SOX6: variants seen among roughly 807,000 people sequenced by gnomAD.
The protein encoded by SOX6 is transcription factor SOX-6.
In SOX6, 11 loss-of-function variants were observed where a neutral mutation model predicts 97.8. That is an observed-to-expected ratio of 0.11 (90% CI 0.07 to 0.19). The LOEUF (loss-of-function observed/expected upper bound fraction) is 0.19. SOX6 is among the 10% of genes least tolerant of loss of function. SOX6 has a pLI of 1.00. For synonymous variants in SOX6, 360 were observed against 371.4 expected, an observed-to-expected ratio of 0.97 and a Z score of 0.35; for missense variants, 810 against 1,039.5, an observed-to-expected ratio of 0.78 and a Z score of 3.04.
upstream of SOX6, among the ~76,000 whole-genome samples, chr11:16,478,500 A>G (rs1860291932): frequency 6.6e-6 from 1 of 152,256 alleles, no homozygotes; most frequent in Admixed American, 6.5e-5. Flanking sequence ...TACAAAGTCA[A>G]TAAATCTTAT....
intron 3 of SOX6, among the ~76,000 whole-genome samples, chr11:16,680,259 C>A (rs1847916326): frequency 6.6e-6 from 1 of 152,214 alleles, no homozygotes; most frequent in Admixed American, 6.5e-5. Context: ...ACAGAGATTT[C>A]TCTGCAGAAA....
intron 9 of SOX6, among the ~76,000 whole-genome samples, chr11:16,057,849 C>A (rs912881394): frequency 2.6e-5 from 4 of 152,076 alleles, no homozygotes; most frequent in African/African-American, 7.2e-5. Flanking sequence ...ATTAAGGAAG[C>A]CTGACACTAT....
rs139830223 is a variant in SOX6, at chr11:16,455,758, TC to T, written c.-5+20556del. On this transcript the variant is annotated intron_variant, in intron 1 of 15. Transcript: ENST00000396356. ...TTTAATACAAGAAGATACATTTATTTCCCCCATGAAAGTAATTTTTATAAAA... is the reference window on the plus strand; with the variant it reads ...TTTAATACAAGAAGATACATTTATTTCCCCATGAAAGTAATTTTTATAAAA... 3.7e-3 allele frequency among the ~76,000 whole-genome samples: 566 copies of T among 152,146 alleles called. 2 individuals carry two copies. The highest frequency in any genetic ancestry group is 0.012 in the African/African-American group (494 of 41,536).
At chr11:16,642,241 C>G (rs925350608) in intron 3 of SOX6, among the ~76,000 whole-genome samples, 1 of 152,188 alleles carries the variant, frequency 6.6e-6, no homozygotes, top group Admixed American at 6.5e-5. Flanking sequence ...GGCCCCCACT[C>G]TCTTCTGGCT....
intron 4 of SOX6, among the ~76,000 whole-genome samples, chr11:16,512,914 T>C (rs1257551822): frequency 1.3e-5 from 2 of 152,222 alleles, no homozygotes; most frequent in African/African-American, 4.8e-5. Context: ...GGAATGACTC[T>C]GGGAGTACTG....
At chr11:16,499,922 T>C (rs1860673247) in intron 4 of SOX6, among the ~76,000 whole-genome samples, 2 of 152,176 alleles carry the variant, frequency 1.3e-5, no homozygotes, top group African/African-American at 4.8e-5. Flanking sequence ...ACTATTCCAA[T>C]CAATAGAAAA....
At chr11:16,500,277 C>A (rs1196833600) in intron 4 of SOX6, among the ~76,000 whole-genome samples, 1 of 152,172 alleles carries the variant, frequency 6.6e-6, no homozygotes, top group Non-Finnish European at 1.5e-5. Flanking sequence ...ATGCTAAAAA[C>A]TCTCAATAAA....
intron 2 of SOX6, among the ~76,000 whole-genome samples, chr11:16,337,287 C>T (rs112678089): frequency 6.6e-6 from 1 of 152,042 alleles, no homozygotes; most frequent in African/African-American, 2.4e-5. Context: ...ACATAATTTG[C>T]ACCAAAAAAT....
intron 6 of SOX6, among the ~76,000 whole-genome samples, chr11:16,114,747 C>G (rs1849307601): frequency 6.6e-6 from 1 of 152,096 alleles, no homozygotes; most frequent in Admixed American, 6.6e-5. Context: ...GGAATACATG[C>G]TCATTTGAAC....
At chr11:16,500,764 A>G (rs1221468253) in intron 4 of SOX6, among the ~76,000 whole-genome samples, 1 of 152,218 alleles carries the variant, frequency 6.6e-6, no homozygotes, top group African/African-American at 2.4e-5. Flanking sequence ...GATGTGAAGG[A>G]CCTCATCAAG....
intron 4 of SOX6, among the ~76,000 whole-genome samples, chr11:16,228,952 T>A (rs1565033689): frequency 6.6e-6 from 1 of 152,166 alleles, no homozygotes. Flanking sequence ...ACTGGTTTTT[T>A]AAGTAAAATC....
chr11:16,514,215 CAAA>C (rs35019872), intron 4 of SOX6, among the ~76,000 whole-genome samples: 10 of 102,656 alleles, frequency 9.7e-5, no homozygotes, highest in Admixed American at 2.2e-4. Flanking sequence ...GTCCCTGGCT[CAAA>C]AAAAAAAAAA....
At chr11:16,333,929 C>T (rs1489222200) in intron 2 of SOX6, among the ~76,000 whole-genome samples, 1 of 152,058 alleles carries the variant, frequency 6.6e-6, no homozygotes, top group Non-Finnish European at 1.5e-5. Flanking sequence ...TAAATGAAAA[C>T]AAAATATCCA....
At chr11:16,580,438 TA>T (rs11439923) in intron 4 of SOX6, among the ~76,000 whole-genome samples, 3 of 150,752 alleles carry the variant, frequency 2.0e-5, no homozygotes, top group South Asian at 2.1e-4. Flanking sequence ...TTCAGAAAAT[TA>T]AAAAAAAACA....
At position 15,986,306 on chromosome 11, in the gene SOX6, G is replaced by A; in HGVS notation, c.2081C>T (p.Pro694Leu). 1 of 1,614,028 alleles carries A rather than the reference G, an allele frequency of 6.2e-7. No individual in the cohort carries two copies. Among genetic ancestry groups the A allele is most frequent in the Non-Finnish European group, 8.5e-7 (1 of 1,180,000 alleles). ...KYPNYKYKPR[P>L]KRTCIVDGKK... ...GCCATCAACAATGCAGGTGCGTTTC[G>A]GTCGGGGTTTGTATTTATAGTTTGG... Residue 694 changes from proline to leucine, a missense_variant, in exon 15 of 16, where the codon CCG becomes CTG. Physicochemically the swap from Pro to Leu is moderately conservative, Grantham distance 98. Around this residue, in one of 9 missense-constraint regions of SOX6, gnomAD observed 51 missense variants for 145.7 expected, o/e 0.35. Transcript: ENST00000683767.
At chr11:16,414,635 A>G (rs550897275) in intron 1 of SOX6, among the ~76,000 whole-genome samples, 81 of 152,292 alleles carry the variant, frequency 5.3e-4, no homozygotes, top group African/African-American at 1.9e-3. Context: ...AATTACTAAA[A>G]AGATAAATTG....
intron 4 of SOX6, among the ~76,000 whole-genome samples, chr11:16,508,989 T>C (rs1860834792): frequency 6.6e-6 from 1 of 151,802 alleles, no homozygotes. Flanking sequence ...AACAATTAAA[T>C]AAAAAGAAAA....
intron 1 of SOX6, among the ~76,000 whole-genome samples, chr11:16,377,174 T>C (rs900660591): frequency 6.6e-6 from 1 of 152,056 alleles, no homozygotes; most frequent in African/African-American, 2.4e-5. Flanking sequence ...GTAGTATATA[T>C]ACTGCATCAA....
At chr11:15,999,184 T>C (rs1020134322) in intron 13 of SOX6, among the ~76,000 whole-genome samples, 1 of 152,130 alleles carries the variant, frequency 6.6e-6, no homozygotes, top group African/African-American at 2.4e-5. Context: ...AAATGCAAAT[T>C]GAAACCACAA....
Sources: allele counts gnomAD v4.1 joint callset (sites outside exome capture counted in the v4.1 genomes callset), GRCh38; gene constraint gnomAD v4.1.1; regional missense constraint gnomAD v4.1.1; transcripts MANE v1.5; gene names NCBI Gene and HGNC (gene_info 2026-07-23, HGNC 2026-07-21).